Variants in KMT2C observed in about 807,000 individuals in gnomAD.
The protein encoded by KMT2C is histone-lysine N-methyltransferase 2C.
In KMT2C, 88 loss-of-function variants were observed where a neutral mutation model predicts 507.9. The ratio of observed to expected loss-of-function variants is 0.17; its 90% CI spans 0.15 to 0.21. KMT2C has a LOEUF of 0.21. Ranked by LOEUF, KMT2C falls within the 10% of genes least tolerant of loss-of-function variation. The pLI is 1.00. For missense variants in KMT2C, 4,954 were observed against 5,957.8 expected, an observed-to-expected ratio of 0.83 and a Z score of 5.55; for synonymous variants, 2,049 against 2,080.8, an observed-to-expected ratio of 0.98 and a Z score of 0.42.
At chr7:152,259,508 C>T (rs1446584591) in intron 9 of KMT2C, among the ~76,000 whole-genome samples, 1 of 149,960 alleles carries the variant, frequency 6.7e-6, no homozygotes, top group Non-Finnish European at 1.5e-5. Context: ...CAAGAGAGGG[C>T]ATGCCCAGTG....
chr7:152,149,433 C>T (rs2091426834), intron 51 of KMT2C, among the ~76,000 whole-genome samples: 1 of 152,232 alleles, frequency 6.6e-6, no homozygotes, highest in Admixed American at 6.5e-5. Flanking sequence ...CTTACACTTT[C>T]TGGGACAATC....
chr7:152,319,234 AAT>A (rs1228279322), intron 3 of KMT2C, among the ~76,000 whole-genome samples: 2 of 152,336 alleles, frequency 1.3e-5, no homozygotes, highest in East Asian at 3.9e-4. Context: ...ATAAAATAAG[AAT>A]AGTTATATAG....
intron 3 of KMT2C, among the ~76,000 whole-genome samples, chr7:152,326,535 T>C (rs533816814): frequency 7.9e-5 from 12 of 152,302 alleles, no homozygotes; most frequent in Non-Finnish European, 1.5e-4. Flanking sequence ...GCTAAAATCC[T>C]ATTAATTATA....
intron 1 of KMT2C, chr7:152,368,622 A>C: frequency 6.9e-7 from 1 of 1,455,794 alleles, no homozygotes; most frequent in South Asian, 1.2e-5. Context: ...ACTCTTCGAG[A>C]ACCTTGGAAA....
intron 1 of KMT2C, among the ~76,000 whole-genome samples, chr7:152,411,585 A>C (rs1412759194): frequency 6.6e-6 from 1 of 152,246 alleles, no homozygotes; most frequent in Non-Finnish European, 1.5e-5. Flanking sequence ...GATCCGACGT[A>C]AAGCAGGCAC....
chr7:152,348,652 G>A, intron 2 of KMT2C, among the ~76,000 whole-genome samples: 1 of 145,062 alleles, frequency 6.9e-6, no homozygotes, highest in African/African-American at 2.5e-5. Context: ...AAAGCATAGG[G>A]AATACAGACA....
At chr7:152,408,510 G>A (rs1226144617) in intron 1 of KMT2C, among the ~76,000 whole-genome samples, 1 of 152,242 alleles carries the variant, frequency 6.6e-6, no homozygotes, top group East Asian at 1.9e-4. Context: ...CCACACAGCA[G>A]GTGAGCGGCA....
intron 8 of KMT2C, among the ~76,000 whole-genome samples, 177 bp from the exon 9 acceptor site, chr7:152,263,307 G>GTGAT (rs1303043180): frequency 2.0e-5 from 3 of 152,150 alleles, no homozygotes; most frequent in Non-Finnish European, 4.4e-5. Context: ...CTCCTAAATG[G>GTGAT]TGATCTTTAC....
At chr7:152,414,289 G>A (rs2097711868) in intron 1 of KMT2C, among the ~76,000 whole-genome samples, 1 of 150,880 alleles carries the variant, frequency 6.6e-6, no homozygotes, top group Non-Finnish European at 1.5e-5. Context: ...AGCATTTTGG[G>A]AGGCCAAGGG....
chr7:152,211,581 G>C (rs1389361170), intron 23 of KMT2C, among the ~76,000 whole-genome samples: 1 of 152,174 alleles, frequency 6.6e-6, no homozygotes, highest in South Asian at 2.1e-4. Context: ...AAAACCAAGA[G>C]AGCACTTTTA....
intron 2 of KMT2C, among the ~76,000 whole-genome samples, chr7:152,336,105 T>A (rs1427716714): frequency 6.6e-6 from 1 of 152,092 alleles, no homozygotes; most frequent in East Asian, 1.9e-4. Flanking sequence ...TGGTTTTACT[T>A]TTGGTTTAGA....
intron 1 of KMT2C, among the ~76,000 whole-genome samples, chr7:152,423,329 G>C (rs529581312): frequency 2.6e-5 from 4 of 152,276 alleles, no homozygotes; most frequent in African/African-American, 9.6e-5. Context: ...GACAGAGCGA[G>C]ACTCTGTCTC....
chr7:152,184,826 G>A (rs1407965125), intron 34 of KMT2C, among the ~76,000 whole-genome samples: 1 of 152,186 alleles, frequency 6.6e-6, no homozygotes, highest in African/African-American at 2.4e-5. Flanking sequence ...CACCTAGGCT[G>A]GAATGCAGTC....
rs142287778 is a variant in KMT2C at position 152,176,574 on chromosome 7, G to A, written c.8879C>T (p.Pro2960Leu). The A allele has an allele frequency of 8.1e-6, 13 of 1,614,010 alleles. No homozygotes were observed. Among genetic ancestry groups the A allele is most frequent in the East Asian group, 2.2e-5 (1 of 44,882 alleles). ...HVSSLPPFIAPPGRVLDNAMN... is the reference protein window; with the variant it reads ...HVSSLPPFIALPGRVLDNAMN... ...GGCATTATCCAAAACACGGCCAGGC[G>A]GTGCTATGAAAGGAGGCAAACTTGA... Residue 2960 changes from proline (P) to leucine (L), a missense_variant, in exon 38 of 59, where the codon CCG becomes CTG. Pro to Leu is a moderately conservative substitution (Grantham distance 98, BLOSUM62 -3). Transcript: ENST00000262189.
At chr7:152,330,427 G>T (rs1003640669) in intron 3 of KMT2C, among the ~76,000 whole-genome samples, 174 bp downstream of exon 3, 4 of 152,134 alleles carry the variant, frequency 2.6e-5, no homozygotes, top group Non-Finnish European at 2.9e-5. Flanking sequence ...TAAGCCCACA[G>T]ATGTAACTCA....
intron 1 of KMT2C, among the ~76,000 whole-genome samples, chr7:152,359,340 C>T (rs920447737): frequency 1.4e-5 from 2 of 141,150 alleles, no homozygotes; most frequent in African/African-American, 5.3e-5. Flanking sequence ...GTACTAAATA[C>T]GGTATAGAAA....
intron 18 of KMT2C, among the ~76,000 whole-genome samples, chr7:152,226,929 A>G (rs1264386851): frequency 2.0e-5 from 3 of 152,234 alleles, no homozygotes; most frequent in Non-Finnish European, 2.9e-5. Context: ...AATGACCTGA[A>G]GATAAAGTGG....
At chr7:152,384,546 TAAC>T (rs2097403095) in intron 1 of KMT2C, among the ~76,000 whole-genome samples, 5 of 17,098 alleles carry the variant, frequency 2.9e-4, no homozygotes, top group East Asian at 1.3e-3. Context: ...CCCATGTGCA[TAAC>T]ACCACCACCA....
intron 1 of KMT2C, among the ~76,000 whole-genome samples, chr7:152,408,074 G>T (rs1589800422): frequency 6.6e-6 from 1 of 152,184 alleles, no homozygotes; most frequent in Non-Finnish European, 1.5e-5. Context: ...CAGATCACAA[G>T]GTCAGGAGTT....
Sources: allele counts gnomAD v4.1 joint callset (sites outside exome capture counted in the v4.1 genomes callset), GRCh38; gene constraint gnomAD v4.1.1; transcripts MANE v1.5; gene names NCBI Gene and HGNC (gene_info 2026-07-23, HGNC 2026-07-21).